The following SCUBE2 variants were observed in gnomAD, a reference collection of about 807,000 sequenced individuals.
The protein encoded by SCUBE2 is signal peptide, CUB domain and EGF like domain containing 2.
SCUBE2 carries 114 observed loss-of-function variants against 125.9 expected under a neutral mutation model. The observed-to-expected ratio is 0.91, with a 90% CI of 0.78 to 1.06. SCUBE2 has a LOEUF of 1.06. Among genes scored for constraint, SCUBE2 ranks in the 50% least tolerant of loss-of-function variants. SCUBE2 has a pLI of 0.00. For missense variants in SCUBE2, 1,255 were observed against 1,301.8 expected (o/e 0.96, Z 0.55); for synonymous variants, 459 against 492.9 (o/e 0.93, Z 0.91).
chr11:9,043,982 G>A lies in SCUBE2; in HGVS notation c.2002+3374C>T, dbSNP rs758360422. 3.9e-5 allele frequency among the ~76,000 whole-genome samples: 6 copies of A among 152,088 alleles called. No individual in the cohort carries two copies. In the East Asian group the frequency reaches 5.8e-4, roughly 15 times the overall value. On this transcript the variant is annotated intron_variant, in intron 16 of 22. Coordinates refer to ENST00000649792, the MANE Select transcript of SCUBE2 (RefSeq NM_001367977.2). Reference sequence around the variant, plus strand: ...TTTAAATATGCAAGTTCTTTGAGTCGGCCATTGTACTTTTGCAAGTCTATC... The same window carrying A: ...TTTAAATATGCAAGTTCTTTGAGTCAGCCATTGTACTTTTGCAAGTCTATC...
intron 21 of SCUBE2, among the ~76,000 whole-genome samples, chr11:9,023,999 A>ATGTT (rs1855520532): frequency 6.6e-6 from 1 of 151,050 alleles, no homozygotes; most frequent in Non-Finnish European, 1.5e-5. Flanking sequence ...TTGGAAATAT[A>ATGTT]TGTTTGAAAA....
At chr11:9,034,528 A>C (rs1295341223) in intron 16 of SCUBE2, among the ~76,000 whole-genome samples, 1 of 152,192 alleles carries the variant, frequency 6.6e-6, no homozygotes, top group East Asian at 1.9e-4. Flanking sequence ...TAGCCTTGGC[A>C]ACATAGTGAA....
In SCUBE2 at chr11:9,069,390, T is replaced by C. The variant is rs758736679; in HGVS notation, c.623A>G (p.Lys208Arg). The C allele has an allele frequency of 4.3e-6, 7 of 1,614,250 alleles. No individual in the cohort carries two copies. In the Admixed American group the frequency reaches 1.2e-4, roughly 27 times the overall value. ...CECRPGFELAKNQRDCILTCN... is the reference protein window; with the variant it reads ...CECRPGFELARNQRDCILTCN... ...CTTACAGATGCAGTCTCTCTGGTTC[T>C]TGGCCAGCTCAAAACCAGGCCTGCA... Residue 208 changes from lysine to arginine, a missense_variant, in exon 5 of 23, where the codon AAG (lysine) becomes AGG (arginine). By Grantham distance (26) the Lys-to-Arg change is conservative. This residue lies in a region of SCUBE2 where 362 missense variants were observed against 323.0 expected (regional missense o/e 1.12). Coordinates refer to ENST00000649792, the MANE Select transcript of SCUBE2 (RefSeq NM_001367977.2).
At chr11:9,068,229 C>T (rs749784073) in intron 5 of SCUBE2, among the ~76,000 whole-genome samples, 1 of 152,158 alleles carries the variant, frequency 6.6e-6, no homozygotes, top group Non-Finnish European at 1.5e-5. Context: ...CTGTCCATGG[C>T]TTTGGGAAGG....
chr11:9,040,923 CT>C (rs1416107761), intron 16 of SCUBE2, among the ~76,000 whole-genome samples: 1 of 152,222 alleles, frequency 6.6e-6, no homozygotes, highest in African/African-American at 2.4e-5. Context: ...GAAAGCAAAA[CT>C]GCCTATAAGG....
In SCUBE2 at chr11:9,047,194, G is replaced by C. The variant is rs187182428; in HGVS notation, c.2002+162C>G. Among the ~76,000 whole-genome samples the C allele has an allele frequency of 5.9e-5, 9 of 152,268 alleles. No homozygotes were observed. The East Asian group carries it at 1.5e-3, about 26-fold the overall frequency. On this transcript the variant is annotated intron_variant, in intron 16 of 22. Coordinates refer to ENST00000649792, the MANE Select transcript of SCUBE2 (RefSeq NM_001367977.2). ...GGGGAGCTCTGGGCCTAGCAGGGAC[G>C]ACAGACACAAACGCAACAGTTACTG...
intron 16 of SCUBE2, 66 bp from the exon 17 acceptor site, chr11:9,033,862 T>C: frequency 6.5e-7 from 1 of 1,549,116 alleles, no homozygotes; most frequent in South Asian, 1.1e-5. Flanking sequence ...ATGTGAGTTC[T>C]AGAGATGAAG....
Position 9,048,112 on chromosome 11 carries a change from C to A in SCUBE2, c.1640-14G>T. Reference sequence around the variant, plus strand: ...AGCTGTGCTTCTCTGTATGAAGAAACAAAATTATCGGAAGCCAAATCCTGG... The same window carrying A: ...AGCTGTGCTTCTCTGTATGAAGAAAAAAAATTATCGGAAGCCAAATCCTGG... On this transcript the variant is annotated splice_polypyrimidine_tract_variant and intron_variant, in intron 14 of 22. Coordinates refer to ENST00000649792, the MANE Select transcript of SCUBE2 (RefSeq NM_001367977.2). 2 of 1,595,066 alleles carry A rather than the reference C, an allele frequency of 1.3e-6. No homozygotes were observed. The highest frequency in any genetic ancestry group is 1.7e-6 in the Non-Finnish European group (2 of 1,170,750).
intron 21 of SCUBE2, chr11:9,025,441 T>G (rs974966741): frequency 5.7e-5 from 20 of 349,440 alleles, no homozygotes; most frequent in African/African-American, 3.7e-4. Context: ...GCCAGGCTAA[T>G]CAGTCTGACT....
rs753714415 is a variant in SCUBE2 at position 9,050,652 on chromosome 11, C to G, written c.1593G>C (p.Leu531Phe). Residue 531 changes from leucine to phenylalanine, a missense_variant, in exon 14 of 23, where the codon TTG becomes TTC. Physicochemically the swap from Leu to Phe is conservative, Grantham distance 22. Coordinates refer to ENST00000649792, the MANE Select transcript of SCUBE2 (RefSeq NM_001367977.2). ...CCTCGGGAAACAGCTCAGCATTTTT[C>G]AAACTACACTTGCCTTCATTTAGCT... is the stretch of plus-strand genomic sequence containing the variant. ...TFKLNEGKCS[L>F]KNAELFPEGL... is the part of the protein sequence containing the mutation. The G allele has an allele frequency of 1.2e-6, 2 of 1,614,230 alleles. No homozygotes were observed. Among genetic ancestry groups the G allele is most frequent in the Non-Finnish European group, 1.7e-6 (2 of 1,180,034 alleles).
At chr11:9,086,730 G>A (rs2135992717) in intron 2 of SCUBE2, among the ~76,000 whole-genome samples, 1 of 152,088 alleles carries the variant, frequency 6.6e-6, no homozygotes, top group African/African-American at 2.4e-5. Context: ...GTGCACGCCT[G>A]TAATTCCAGC....
rs1855702738 is a variant in SCUBE2 at position 9,025,864 on chromosome 11, G to A, written c.2702-10C>T. 1 of 1,612,724 alleles carries A rather than the reference G, an allele frequency of 6.2e-7. No individual in the cohort carries two copies. The highest frequency in any genetic ancestry group is 8.5e-7 in the Non-Finnish European group (1 of 1,179,232). On this transcript the variant is annotated splice_polypyrimidine_tract_variant and intron_variant, in intron 20 of 22. Transcript: ENST00000649792. ...ACAGAATTGGATGAAGCTGCCAAGGGAAGTTGGAGAAGGGTGGGGTTCAAG... is the reference window on the plus strand; with the variant it reads ...ACAGAATTGGATGAAGCTGCCAAGGAAAGTTGGAGAAGGGTGGGGTTCAAG...
At chr11:9,087,992 C>T (rs1862258165) in intron 2 of SCUBE2, among the ~76,000 whole-genome samples, 1 of 152,160 alleles carries the variant, frequency 6.6e-6, no homozygotes. Flanking sequence ...TAGACTGAGC[C>T]CATCTTACAC....
chr11:9,055,657 AC>A, intron 10 of SCUBE2, 135 bp downstream of exon 10: 1 of 695,780 alleles, frequency 1.4e-6, no homozygotes, highest in Admixed American at 2.0e-5. Flanking sequence ...AAGTTGATGG[AC>A]TCACCGCTAT....
At position 9,091,345 on chromosome 11, in the gene SCUBE2, T is replaced by C; in HGVS notation, c.133+51A>G. ...GACTCCGCCGGGGACCTAAACACTC[T>C]TCCTGGCCCTGCCTGCTGTGCCAGG... is the stretch of plus-strand genomic sequence containing the variant. On this transcript the variant is annotated intron_variant, in intron 1 of 22. Coordinates refer to ENST00000649792, the MANE Select transcript of SCUBE2 (RefSeq NM_001367977.2). The surrounding 1 kb of genome is among the most constrained non-coding windows in gnomAD (Gnocchi z 8.5). 2 of 1,248,980 alleles carry C rather than the reference T, an allele frequency of 1.6e-6. No homozygotes were observed. The highest frequency in any genetic ancestry group is 2.0e-6 in the Non-Finnish European group (2 of 991,778). 77.4% of individuals were successfully genotyped at this position (1,248,980 alleles called of 1,614,324 possible).
chr11:9,074,893 G>C (rs1267222833), intron 3 of SCUBE2, among the ~76,000 whole-genome samples: 1 of 152,188 alleles, frequency 6.6e-6, no homozygotes, highest in East Asian at 1.9e-4. Flanking sequence ...TGCTAGAGGA[G>C]ACAGCAAAAT....
At chr11:9,052,648 G>GAA in intron 13 of SCUBE2, 98 bp downstream of exon 13, 1 of 908,872 alleles carries the variant, frequency 1.1e-6, no homozygotes. Flanking sequence ...GAAATTAACA[G>GAA]AAAAAAAACA....
At chr11:9,052,524 A>G (rs952239551) in intron 13 of SCUBE2, among the ~76,000 whole-genome samples, 1 of 152,232 alleles carries the variant, frequency 6.6e-6, no homozygotes, top group Non-Finnish European at 1.5e-5. Context: ...AGGGCTGACC[A>G]CAGCCTCCTG....
At chr11:9,071,734 G>T (rs1253728388) in intron 4 of SCUBE2, among the ~76,000 whole-genome samples, 1 of 152,150 alleles carries the variant, frequency 6.6e-6, no homozygotes, top group Non-Finnish European at 1.5e-5. Context: ...TTGTGAATTG[G>T]GAGGAAAACA....
Sources: gnomAD v4.1 joint callset for allele counts (sites outside exome capture counted in the v4.1 genomes callset) on GRCh38, gnomAD v4.1.1 for gene constraint, gnomAD v4.1.1 regional missense constraint, Gnocchi (gnomAD v3.1) non-coding constraint, MANE v1.5 for transcripts, NCBI Gene and HGNC (gene_info 2026-07-23, HGNC 2026-07-21) for gene names.